The following SNTG2 variants were observed in gnomAD, a reference collection of about 807,000 sequenced individuals.
The protein encoded by SNTG2 is gamma-2-syntrophin.
A neutral mutation model predicts 70.9 loss-of-function variants in SNTG2; 74 were observed. The ratio of observed to expected loss-of-function variants is 1.04; its 90% CI spans 0.86 to 1.27. SNTG2 has a LOEUF of 1.27. Ranked by LOEUF, SNTG2 falls within the 50% of genes most tolerant of loss-of-function variation. The pLI is 0.00. For synonymous variants in SNTG2, 278 were observed against 273.8 expected, an observed-to-expected ratio of 1.02 and a Z score of -0.15; for missense variants, 717 against 690.7, an observed-to-expected ratio of 1.04 and a Z score of -0.43.
At chr2:973,463 A>G (rs1206600040) in intron 1 of SNTG2, among the ~76,000 whole-genome samples, 1 of 150,804 alleles carries the variant, frequency 6.6e-6, no homozygotes, top group Non-Finnish European at 1.5e-5. Flanking sequence ...TTTGCCATTG[A>G]GGGACGGGCG....
rs560226435 is a variant in SNTG2 at position 1,328,410 on chromosome 2, A to C, written c.1488+12035A>C. 1.3e-3 allele frequency among the ~76,000 whole-genome samples: 203 copies of C among 152,336 alleles called. 2 individuals carry two copies. Among genetic ancestry groups the C allele is most frequent in the Non-Finnish European group, 2.3e-3 (156 of 68,028 alleles). The stretch of plus-strand genomic sequence containing the variant: ...AGAATAGAGCTTTACACCTGAGAAG[A>C]AGCTGTCCACCCACAACTCTGGGGC... On this transcript the variant is annotated intron_variant, in intron 16 of 16. Transcript: ENST00000308624.
intron 1 of SNTG2, among the ~76,000 whole-genome samples, chr2:988,715 C>T (rs550636242): frequency 3.3e-5 from 5 of 150,496 alleles, no homozygotes; most frequent in Non-Finnish European, 7.4e-5. Flanking sequence ...GAAGTATATT[C>T]GCAATTTTAT....
At chr2:1,290,078 A>C (rs1482209803) in intron 14 of SNTG2, among the ~76,000 whole-genome samples, 5 of 152,162 alleles carry the variant, frequency 3.3e-5, no homozygotes, top group African/African-American at 1.2e-4. Flanking sequence ...GCTGGGAATA[A>C]TGTTGCTATA....
chr2:1,020,844 G>A (rs1453355210), intron 1 of SNTG2, among the ~76,000 whole-genome samples: 1 of 151,826 alleles, frequency 6.6e-6, no homozygotes, highest in African/African-American at 2.4e-5. Flanking sequence ...TATATTTTTT[G>A]CCAATAGTAA....
rs1034733496 is a variant in SNTG2 at position 1,302,465 on chromosome 2, G to A, written c.1285-6029G>A. ...GTATATAGAATGTGTATACAACTGC[G>A]TATAGAGAACCAGAGCAATTTCTAA... On this transcript the variant is annotated intron_variant, in intron 14 of 16. Coordinates refer to ENST00000308624, the MANE Select transcript of SNTG2 (RefSeq NM_018968.4). Among the ~76,000 whole-genome samples, 9 of 149,462 alleles carry A rather than the reference G, an allele frequency of 6.0e-5. No homozygotes were observed. In the East Asian group the frequency reaches 9.9e-4, roughly 16 times the overall value.
chr2:1,024,130 G>T (rs1157435362), intron 1 of SNTG2, among the ~76,000 whole-genome samples: 1 of 152,146 alleles, frequency 6.6e-6, no homozygotes, highest in African/African-American at 2.4e-5. Context: ...TGCCAGGGAA[G>T]CTTCGTGGCA....
intron 11 of SNTG2, among the ~76,000 whole-genome samples, 161 bp from the exon 12 acceptor site, chr2:1,247,166 G>A (rs990993544): frequency 2.0e-5 from 3 of 152,212 alleles, no homozygotes; most frequent in African/African-American, 4.8e-5. Flanking sequence ...TTCCTATTGT[G>A]TGAACTTGAT....
At chr2:1,300,132 C>G (rs1465422520) in intron 14 of SNTG2, among the ~76,000 whole-genome samples, 1 of 146,518 alleles carries the variant, frequency 6.8e-6, no homozygotes, top group African/African-American at 2.6e-5. Context: ...AAGTGTGCCT[C>G]AAATGAGGGC....
intron 1 of SNTG2, among the ~76,000 whole-genome samples, chr2:1,031,528 A>ATATTT: frequency 1.7e-5 from 1 of 59,142 alleles, no homozygotes; most frequent in African/African-American, 8.3e-5. Flanking sequence ...ATATATATAT[A>ATATTT]TTTTTTTTTT....
intron 9 of SNTG2, among the ~76,000 whole-genome samples, chr2:1,217,704 T>C (rs1412863364): frequency 6.6e-6 from 1 of 152,176 alleles, no homozygotes; most frequent in Non-Finnish European, 1.5e-5. Context: ...TGTATGTACA[T>C]TTCTGTTATG....
At chr2:1,021,369 G>A (rs1050316144) in intron 1 of SNTG2, among the ~76,000 whole-genome samples, 1 of 152,106 alleles carries the variant, frequency 6.6e-6, no homozygotes, top group Admixed American at 6.5e-5. Flanking sequence ...TCTCAAGCAC[G>A]CTCTCATAAT....
chr2:986,067 TAGAG>T (rs10633277), intron 1 of SNTG2, among the ~76,000 whole-genome samples: 6,195 of 129,738 alleles, frequency 0.048, 143 homozygotes, highest in Middle Eastern at 0.082. Flanking sequence ...CTGCAAATAA[TAGAG>T]AGAGAGAGAG....
Position 1,097,586 on chromosome 2 carries a change from T to C in SNTG2, c.211-610T>C, listed in dbSNP as rs552563328. 1.3e-5 allele frequency among the ~76,000 whole-genome samples: 2 copies of C among 152,282 alleles called. No homozygotes were observed. The highest frequency in any genetic ancestry group is 1.9e-4 in the East Asian group (1 of 5,160). On this transcript the variant is annotated intron_variant, in intron 2 of 16. Transcript: ENST00000308624. This position sits in a 1 kb window ranked among gnomAD's most constrained non-coding sequence, Gnocchi z 4.1. Reference sequence around the variant, plus strand: ...AGCAAAACATAGGTGCATGGCTTAATGCGCAAGAGATTTGGAGATTTTTTA... The same window carrying C: ...AGCAAAACATAGGTGCATGGCTTAACGCGCAAGAGATTTGGAGATTTTTTA...
intron 4 of SNTG2, among the ~76,000 whole-genome samples, chr2:1,113,362 C>T (rs1006389401): frequency 6.6e-6 from 1 of 150,586 alleles, no homozygotes; most frequent in Non-Finnish European, 1.5e-5. Context: ...GAGGTTTAAC[C>T]CTTACAGTGT....
At chr2:1,299,008 T>C (rs1448284391) in intron 14 of SNTG2, among the ~76,000 whole-genome samples, 1 of 152,210 alleles carries the variant, frequency 6.6e-6, no homozygotes, top group Non-Finnish European at 1.5e-5. Flanking sequence ...AGCTTGCAGA[T>C]GGCCTATTGT....
At chr2:1,030,605 G>A (rs1421171691) in intron 1 of SNTG2, among the ~76,000 whole-genome samples, 1 of 152,206 alleles carries the variant, frequency 6.6e-6, no homozygotes, top group Non-Finnish European at 1.5e-5. Flanking sequence ...TAAACCTACA[G>A]TAGGTTAGGT....
intron 12 of SNTG2, chr2:1,256,282 G>A (rs1041213600): frequency 6.6e-6 from 1 of 152,072 alleles, no homozygotes; most frequent in Non-Finnish European, 1.5e-5. Context: ...GAAGTGTCGT[G>A]ACGTGGTGCA....
At chr2:1,031,548 T>TTTTTTTTTTG in intron 1 of SNTG2, among the ~76,000 whole-genome samples, 1 of 78,346 alleles carries the variant, frequency 1.3e-5, no homozygotes, top group Non-Finnish European at 2.7e-5. Context: ...TTTTTTTTTT[T>TTTTTTTTTTG]GAGGCGAAAT....
chr2:1,151,099 A>G (rs1669456107), intron 6 of SNTG2, among the ~76,000 whole-genome samples: 1 of 152,370 alleles, frequency 6.6e-6, no homozygotes, highest in Non-Finnish European at 1.5e-5. Context: ...GGTATGACGA[A>G]CAGTGGAAAG....
Sources: allele counts gnomAD v4.1 joint callset (sites outside exome capture counted in the v4.1 genomes callset), GRCh38; gene constraint gnomAD v4.1.1; non-coding constraint Gnocchi (gnomAD v3.1); transcripts MANE v1.5; gene names NCBI Gene and HGNC (gene_info 2026-07-23, HGNC 2026-07-21).